Variants in CTNNA2 observed in about 807,000 individuals in gnomAD.
CTNNA2 encodes catenin alpha-2.
Under a neutral mutation model 101.0 loss-of-function variants are expected in CTNNA2, and 42 were observed. The observed-to-expected ratio is 0.42, with a 90% confidence interval of 0.32 to 0.54. The LOEUF (loss-of-function observed/expected upper bound fraction) is 0.54. Among genes scored for constraint, CTNNA2 ranks in the 20% least tolerant of loss-of-function variants. The pLI, the probability that CTNNA2 is intolerant of heterozygous loss-of-function variation, is 0.14. For missense variants in CTNNA2, 871 were observed against 1,223.1 expected (o/e 0.71, Z 4.29); for synonymous variants, 450 against 456.4 (o/e 0.99, Z 0.18).
chr2:80,429,138 C>T (rs1433943482), intron 9 of CTNNA2, among the ~76,000 whole-genome samples: 3 of 152,072 alleles, frequency 2.0e-5, no homozygotes, highest in African/African-American at 4.8e-5. Context: ...AAGAATTCCC[C>T]AATTCTTAAA....
chr2:79,740,201 T>C (rs778182815), intron 2 of CTNNA2, among the ~76,000 whole-genome samples: 1 of 152,170 alleles, frequency 6.6e-6, no homozygotes, highest in Non-Finnish European at 1.5e-5. Flanking sequence ...GTGTGTGTTG[T>C]TCCCATCTTT....
chr2:79,816,702 C>T (rs1379304709), intron 3 of CTNNA2, among the ~76,000 whole-genome samples: 1 of 152,174 alleles, frequency 6.6e-6, no homozygotes, highest in African/African-American at 2.4e-5. Context: ...GCTGATGATA[C>T]TAGCAATACA....
chr2:79,927,831 A>C (rs1170421291), intron 7 of CTNNA2, among the ~76,000 whole-genome samples: 1 of 152,144 alleles, frequency 6.6e-6, no homozygotes, highest in African/African-American at 2.4e-5. Context: ...AGCATGTTGC[A>C]GTTCTGCTGA....
chr2:80,024,593 G>A lies in CTNNA2; in HGVS notation c.1056+114796G>A, dbSNP rs558415050. On this transcript the variant is annotated intron_variant, in intron 7 of 18. Transcript: ENST00000402739. Reference sequence around the variant, plus strand: ...ACGCAGGTGAGCGGGTGCAGGTGCCGGGGCAGATGAACACTGGAACTGGCT... The same window carrying A: ...ACGCAGGTGAGCGGGTGCAGGTGCCAGGGCAGATGAACACTGGAACTGGCT... Among the ~76,000 whole-genome samples, 2 of 152,314 alleles carry A rather than the reference G, an allele frequency of 1.3e-5. 1 individual carries two copies. Among genetic ancestry groups the A allele is most frequent in the South Asian group, 4.1e-4 (2 of 4,828 alleles).
In CTNNA2 at chr2:80,085,562, G is replaced by A. The variant is rs190291544; in HGVS notation, c.1056+175765G>A. Among the ~76,000 whole-genome samples the A allele has an allele frequency of 2.0e-5, 3 of 152,192 alleles. No homozygotes were observed. In the East Asian group the frequency reaches 5.8e-4, roughly 29 times the overall value. Reference sequence around the variant, plus strand: ...ATGCACACCTGTATTCCTGAGGCATGTATAATGGTTGAATTCTAAAGGCTG... The same window carrying A: ...ATGCACACCTGTATTCCTGAGGCATATATAATGGTTGAATTCTAAAGGCTG... On this transcript the variant is annotated intron_variant, in intron 7 of 18. Coordinates refer to ENST00000402739, the MANE Select transcript of CTNNA2 (RefSeq NM_001282597.3).
At chr2:79,887,152 T>G (rs1326563728) in intron 6 of CTNNA2, among the ~76,000 whole-genome samples, 2 of 150,752 alleles carry the variant, frequency 1.3e-5, no homozygotes, top group East Asian at 3.9e-4. Context: ...GTGGCTGCAG[T>G]GGCTGCCGGG....
intron 7 of CTNNA2, among the ~76,000 whole-genome samples, chr2:80,284,250 A>C (rs115774611): frequency 0.019 from 2,870 of 152,254 alleles, 43 homozygotes; most frequent in Middle Eastern, 0.027. Flanking sequence ...TGGATGATAA[A>C]ATACCACCAG....
intron 2 of CTNNA2, among the ~76,000 whole-genome samples, chr2:79,216,055 G>A (rs1407108779): frequency 2.0e-5 from 3 of 152,110 alleles, no homozygotes; most frequent in African/African-American, 4.8e-5. Flanking sequence ...AAGAATGCCT[G>A]GACGTCAGGC....
At chr2:80,391,721 T>C (rs1677536213) in intron 7 of CTNNA2, among the ~76,000 whole-genome samples, 1 of 152,222 alleles carries the variant, frequency 6.6e-6, no homozygotes, top group Admixed American at 6.5e-5. Context: ...CACATTCCCT[T>C]GAAAGACAGA....
At chr2:79,406,794 G>C (rs1290016288) in intron 4 of CTNNA2, among the ~76,000 whole-genome samples, 2 of 151,942 alleles carry the variant, frequency 1.3e-5, no homozygotes, top group Non-Finnish European at 2.9e-5. Flanking sequence ...CTTTCAAGCA[G>C]AGGAAACACA....
intron 7 of CTNNA2, among the ~76,000 whole-genome samples, chr2:80,309,729 C>T (rs1015796823): frequency 4.7e-5 from 7 of 150,336 alleles, no homozygotes; most frequent in Non-Finnish European, 7.4e-5. Context: ...GAGTCTCGCA[C>T]GGTCACCCAG....
chr2:79,231,172 G>C (rs762412547), intron 2 of CTNNA2, among the ~76,000 whole-genome samples: 4 of 152,138 alleles, frequency 2.6e-5, no homozygotes, highest in Non-Finnish European at 4.4e-5. Context: ...AGGGAAGAAT[G>C]ATATGGTTTG....
intron 3 of CTNNA2, among the ~76,000 whole-genome samples, chr2:79,807,515 C>G (rs1676672355): frequency 6.6e-6 from 1 of 152,136 alleles, no homozygotes; most frequent in Non-Finnish European, 1.5e-5. Flanking sequence ...AAAACATGCT[C>G]TTTTAAATTT....
chr2:79,537,148 T>A (rs1366292486), intron 1 of CTNNA2, among the ~76,000 whole-genome samples: 1 of 152,176 alleles, frequency 6.6e-6, no homozygotes, highest in Admixed American at 6.5e-5. Context: ...TGAAGGACGT[T>A]CTGTTGGTGA....
In CTNNA2 at chr2:80,535,545, T is replaced by A. The variant is rs563563420; in HGVS notation, c.1291-9437T>A. On this transcript the variant is annotated intron_variant, in intron 9 of 18. Transcript: ENST00000402739. ...CTCACCCAGCTGGTGAGAATAAGAG[T>A]CAGAACATAAACCCTGGGCTGCTTG... Among the ~76,000 whole-genome samples the A allele has an allele frequency of 5.9e-5, 9 of 151,968 alleles. No individual in the cohort carries two copies. In the South Asian group the frequency reaches 1.7e-3, roughly 28 times the overall value.
chr2:79,512,818 G>GC (rs1010208779), upstream of CTNNA2, among the ~76,000 whole-genome samples: 1 of 151,168 alleles, frequency 6.6e-6, no homozygotes, highest in African/African-American at 2.4e-5. Context: ...CGCGCCCGCG[G>GC]CCCCCCACCC....
chr2:79,538,563 C>G (rs1366066750), intron 1 of CTNNA2, among the ~76,000 whole-genome samples: 1 of 152,034 alleles, frequency 6.6e-6, no homozygotes, highest in African/African-American at 2.4e-5. Flanking sequence ...GCCTTGCTAT[C>G]GAGCAGATTT....
At chr2:79,930,236 C>G (rs188108095) in intron 7 of CTNNA2, among the ~76,000 whole-genome samples, 158 of 143,266 alleles carry the variant, frequency 1.1e-3, no homozygotes, top group African/African-American at 2.7e-3. Context: ...GAGCGAGACT[C>G]TGTCTCAAAG....
chr2:80,159,852 A>G lies in CTNNA2; in HGVS notation c.1057-233359A>G, dbSNP rs545688340. Among the ~76,000 whole-genome samples the G allele has an allele frequency of 4.6e-5, 7 of 152,208 alleles. No homozygotes were observed. The South Asian group carries it at 1.5e-3, about 32-fold the overall frequency. The stretch of plus-strand genomic sequence containing the variant: ...CAATTTTGAAGTTCAATTTATGTAC[A>G]TTTCCTCTCATAGATTGTGTTTTTG... On this transcript the variant is annotated intron_variant, in intron 7 of 18. Coordinates refer to ENST00000402739, the MANE Select transcript of CTNNA2 (RefSeq NM_001282597.3).
Sources: allele counts gnomAD v4.1 joint callset (sites outside exome capture counted in the v4.1 genomes callset), GRCh38; gene constraint gnomAD v4.1.1; transcripts MANE v1.5; gene names NCBI Gene and HGNC (gene_info 2026-07-23, HGNC 2026-07-21).